Variants in TBC1D2 observed in about 807,000 individuals in gnomAD.
TBC1D2 encodes TBC1 domain family member 2A.
A neutral mutation model predicts 91.1 loss-of-function variants in TBC1D2; 58 were observed. The ratio of observed to expected loss-of-function variants is 0.64; its 90% confidence interval spans 0.52 to 0.79. The LOEUF is 0.79. Among genes scored for constraint, TBC1D2 ranks in the 30% least tolerant of loss-of-function variants. The probability of loss-of-function intolerance (pLI) is 0.00; values close to 1 mark genes in which losing one functional copy is unlikely to be tolerated. For missense variants in TBC1D2, 1,080 were observed against 1,208.3 expected, an observed-to-expected ratio of 0.89 and a Z score of 1.57; for synonymous variants, 482 against 511.5, an observed-to-expected ratio of 0.94 and a Z score of 0.78.
At chr9:98,216,412 C>A (rs1177512099) in intron 6 of TBC1D2, among the ~76,000 whole-genome samples, 2 of 152,136 alleles carry the variant, frequency 1.3e-5, no homozygotes, top group East Asian at 3.9e-4. Context: ...CATGACCTGA[C>A]CCATCTCCCT....
chr9:98,237,174 T>C (rs1829525361), intron 3 of TBC1D2, among the ~76,000 whole-genome samples: 1 of 151,570 alleles, frequency 6.6e-6, no homozygotes, highest in Non-Finnish European at 1.5e-5. Context: ...CCGTCTTTAC[T>C]AAAAATACCA....
At chr9:98,224,206 AAAAAG>A (rs1259640375) in intron 5 of TBC1D2, among the ~76,000 whole-genome samples, 11 of 134,390 alleles carry the variant, frequency 8.2e-5, no homozygotes, top group African/African-American at 2.4e-4. Flanking sequence ...CAAAAAAAAA[AAAAAG>A]AAAAGAAAAG....
At chr9:98,217,739 G>A (rs1829004423) in intron 6 of TBC1D2, among the ~76,000 whole-genome samples, 1 of 152,078 alleles carries the variant, frequency 6.6e-6, no homozygotes, top group South Asian at 2.1e-4. Context: ...TAGAGACAGT[G>A]TCTTACTCTG....
rs563329262 is a variant in TBC1D2, at chr9:98,220,320, G to A, written c.1374+513C>T. Among the ~76,000 whole-genome samples the A allele has an allele frequency of 4.6e-5, 7 of 152,226 alleles. No homozygotes were observed. The South Asian group carries it at 8.3e-4, about 18-fold the overall frequency. On this transcript the variant is annotated intron_variant, in intron 6 of 12. Transcript: ENST00000465784. ...GGCTGGCGCGAGGACTAAATGTGGCGATGCACCCACCGAGGGCAGTGCCTG... is the reference window on the plus strand; with the variant it reads ...GGCTGGCGCGAGGACTAAATGTGGCAATGCACCCACCGAGGGCAGTGCCTG...
At chr9:98,219,757 G>GTT in intron 6 of TBC1D2, among the ~76,000 whole-genome samples, 1 of 152,204 alleles carries the variant, frequency 6.6e-6, no homozygotes, top group East Asian at 1.9e-4. Flanking sequence ...TATGTGACAG[G>GTT]GATTTTTCTG....
intron 2 of TBC1D2, among the ~76,000 whole-genome samples, chr9:98,246,717 C>T (rs1166556534): frequency 6.6e-6 from 1 of 152,024 alleles, no homozygotes; most frequent in African/African-American, 2.4e-5. Context: ...TGCAGCTGGG[C>T]CTTAAGGACT....
At chr9:98,242,441 CAAAAAAA>C (rs961264421) in intron 3 of TBC1D2, among the ~76,000 whole-genome samples, 2 of 76,432 alleles carry the variant, frequency 2.6e-5, no homozygotes, top group South Asian at 4.4e-4. Context: ...ACTCCATCTC[CAAAAAAA>C]AAAAAAAAAG....
intron 2 of TBC1D2, among the ~76,000 whole-genome samples, chr9:98,248,925 A>C (rs2131294069): frequency 6.6e-6 from 1 of 152,366 alleles, no homozygotes; most frequent in African/African-American, 2.4e-5. Flanking sequence ...AAAGCAGGAG[A>C]GAACATGCCT....
intron 3 of TBC1D2, among the ~76,000 whole-genome samples, chr9:98,242,746 T>C (rs1829672895): frequency 6.7e-6 from 1 of 149,008 alleles, no homozygotes; most frequent in Non-Finnish European, 1.5e-5. Context: ...CCATGACTGG[T>C]GGAGCCAGGA....
intron 4 of TBC1D2, among the ~76,000 whole-genome samples, chr9:98,232,340 C>CTTTTTTTTTTTTTT (rs1554754378): frequency 7.1e-4 from 37 of 52,034 alleles, no homozygotes; most frequent in African/African-American, 3.9e-3. Flanking sequence ...TTCTCTTTTT[C>CTTTTTTTTTTTTTT]TGTTTTTTTT....
At position 98,199,548 on chromosome 9, in the gene TBC1D2, G is replaced by A. The variant is rs772628175; in HGVS notation, c.2620C>T (p.Arg874Cys). Residue 874 changes from arginine (R) to cysteine (C), a missense_variant, in exon 13 of 13, where the codon CGC becomes TGC. By Grantham distance (180) the Arg-to-Cys change is radical. Transcript: ENST00000465784. ...NIAFNDMNPF[R>C]MKQLRQLRMV... ...CGCAGCTGCCGCAGCTGTTTCATGC[G>A]GAAGGGGTTCATGTCATTGAAGGCG... is the stretch of plus-strand genomic sequence containing the variant. 5.3e-5 allele frequency: 85 copies of A among 1,614,118 alleles called. 1 individual carries two copies. The highest frequency in any genetic ancestry group is 5.9e-5 in the Non-Finnish European group (70 of 1,180,040).
intron 5 of TBC1D2, among the ~76,000 whole-genome samples, chr9:98,222,988 C>CA (rs1339667886): frequency 2.0e-5 from 3 of 152,224 alleles, no homozygotes; most frequent in African/African-American, 7.2e-5. Flanking sequence ...CAACCTTTAC[C>CA]AAGCACCACT....
intron 4 of TBC1D2, among the ~76,000 whole-genome samples, chr9:98,232,408 C>T (rs1380302865): frequency 1.4e-5 from 2 of 147,180 alleles, no homozygotes; most frequent in African/African-American, 5.1e-5. Flanking sequence ...CAGCCTCGAC[C>T]TCCCTGGCTC....
At chr9:98,233,841 G>A (rs564580525) in intron 3 of TBC1D2, among the ~76,000 whole-genome samples, 6 of 152,288 alleles carry the variant, frequency 3.9e-5, no homozygotes, top group East Asian at 3.9e-4. Flanking sequence ...GCCATGAGGC[G>A]GAGGTATTGT....
chr9:98,209,759 CCTTCCTT>C (rs1564236667), intron 8 of TBC1D2, among the ~76,000 whole-genome samples: 6 of 67,722 alleles, frequency 8.9e-5, no homozygotes, highest in East Asian at 7.2e-4. Context: ...TCCTTCCTTT[CCTTCCTT>C]CCTTCCTTCC....
In TBC1D2 at chr9:98,244,051, A is replaced by T. The variant is rs1829709681; in HGVS notation, c.590T>A (p.Leu197Ter). Residue 197 changes from leucine to a stop codon, truncating the protein, a stop_gained, in exon 3 of 13, where the codon TTG (leucine) becomes TAG (stop). Transcript: ENST00000465784. LOFTEE classifies it high-confidence loss of function. Reference sequence around the variant, plus strand: ...ATTCTGAAGGGCAGGGAAGGGCTGCAAGGCAGCTGCCACGCCCACTAGCCC... The same window carrying T: ...ATTCTGAAGGGCAGGGAAGGGCTGCTAGGCAGCTGCCACGCCCACTAGCCC... ...PPGLVGVAAA[L>*]QPFPALQNIS... The T allele has an allele frequency of 6.8e-6, 11 of 1,612,404 alleles. No homozygotes were observed. Among genetic ancestry groups the T allele is most frequent in the Non-Finnish European group, 9.3e-6 (11 of 1,179,322 alleles).
Position 98,199,174 on chromosome 9 carries a change from G to T in TBC1D2, c.*207C>A. The T allele has an allele frequency of 1.6e-6, 1 of 625,518 alleles. No homozygotes were observed. The highest frequency in any genetic ancestry group is 2.8e-6 in the Non-Finnish European group (1 of 357,600). 38.7% of individuals were successfully genotyped at this position (625,518 alleles called of 1,614,324 possible). A position where few individuals can be genotyped will look rare whatever the true frequency, so the allele number is the denominator to read the frequency against. ...ACGAAAGGGTGGCATCCCTGGGTAA[G>T]TAAGTGCCTATGAAGAAGTAGCCCA... is the stretch of plus-strand genomic sequence containing the variant. On this transcript the variant is annotated 3_prime_UTR_variant, in exon 13 of 13. Coordinates refer to ENST00000465784, the MANE Select transcript of TBC1D2 (RefSeq NM_001267571.2).
At chr9:98,252,470 C>G (rs1364881101) in intron 1 of TBC1D2, among the ~76,000 whole-genome samples, 2 of 152,132 alleles carry the variant, frequency 1.3e-5, no homozygotes, top group African/African-American at 2.4e-5. Context: ...CATGGTGGCA[C>G]CTTCCAGGTG....
intron 9 of TBC1D2, among the ~76,000 whole-genome samples, chr9:98,208,183 C>G (rs1425448386): frequency 2.0e-5 from 3 of 152,116 alleles, no homozygotes; most frequent in Non-Finnish European, 4.4e-5. Context: ...TGAGCTCTGG[C>G]CCATCTCTGT....
Sources: allele counts gnomAD v4.1 joint callset (sites outside exome capture counted in the v4.1 genomes callset), GRCh38; gene constraint gnomAD v4.1.1; transcripts MANE v1.5; gene names NCBI Gene and HGNC (gene_info 2026-07-23, HGNC 2026-07-21).